Variants in HS2ST1 observed in about 807,000 individuals in gnomAD.
HS2ST1 encodes the protein heparan sulfate 2-O-sulfotransferase 1.
Under a neutral mutation model 42.9 loss-of-function variants are expected in HS2ST1, and 18 were observed. The observed-to-expected ratio is 0.42, with a 90% CI of 0.29 to 0.62. HS2ST1 has a LOEUF of 0.62. Ranked by LOEUF, HS2ST1 falls within the 20% of genes least tolerant of loss-of-function variation. HS2ST1 has a pLI of 0.21. For missense variants in HS2ST1, 334 were observed against 433.8 expected (o/e 0.77, Z 2.04); for synonymous variants, 146 against 152.9 (o/e 0.95, Z 0.33).
chr1:86,964,627 G>C (rs1347058905), intron 1 of HS2ST1, among the ~76,000 whole-genome samples: 1 of 152,210 alleles, frequency 6.6e-6, no homozygotes, highest in Non-Finnish European at 1.5e-5. Context: ...GGGAGACCTT[G>C]GAAAGAGAGG....
chr1:87,076,290 T>A (rs938262938), intron 2 of HS2ST1, among the ~76,000 whole-genome samples: 2 of 152,214 alleles, frequency 1.3e-5, no homozygotes, highest in African/African-American at 4.8e-5. Context: ...TCAAAAATGA[T>A]ATCTTTGTTC....
chr1:86,955,914 G>A (rs1278955928), intron 1 of HS2ST1, among the ~76,000 whole-genome samples: 1 of 152,152 alleles, frequency 6.6e-6, no homozygotes, highest in African/African-American at 2.4e-5. Flanking sequence ...TGGAGTCCTG[G>A]AGGGGTGGAG....
At position 86,982,987 on chromosome 1, in the gene HS2ST1, C is replaced by T. The variant is rs149059267; in HGVS notation, c.124+67827C>T. Among the ~76,000 whole-genome samples the T allele has an allele frequency of 2.9e-3, 442 of 152,274 alleles. 1 individual carries two copies. The highest frequency in any genetic ancestry group is 0.01 in the African/African-American group (425 of 41,552). On this transcript the variant is annotated intron_variant, in intron 1 of 6. Transcript: ENST00000370550. ...TTGCTTCAATATCCAATAAATTACT[C>T]GTCTGCATCTGAGACCACCTCAGCC...
intron 1 of HS2ST1, among the ~76,000 whole-genome samples, chr1:86,996,006 A>G (rs533783088): frequency 1.3e-5 from 2 of 152,342 alleles, no homozygotes; most frequent in South Asian, 4.1e-4. Context: ...GATAAAATAT[A>G]TAATATTTAA....
At position 87,091,304 on chromosome 1, in the gene HS2ST1, T is replaced by C. The variant is rs181895422; in HGVS notation, c.450-1227T>C. Reference sequence around the variant, plus strand: ...AAGAGAAATAGAATAAGTATTGATATGGGAGGAGATAAAAGAGGCCAACCT... The same window carrying C: ...AAGAGAAATAGAATAAGTATTGATACGGGAGGAGATAAAAGAGGCCAACCT... On this transcript the variant is annotated intron_variant, in intron 3 of 6. Transcript: ENST00000370550. 2.7e-3 allele frequency among the ~76,000 whole-genome samples: 411 copies of C among 152,038 alleles called. 2 individuals are homozygous for C. The highest frequency in any genetic ancestry group is 4.0e-3 in the Non-Finnish European group (271 of 67,890).
intron 1 of HS2ST1, among the ~76,000 whole-genome samples, chr1:87,054,141 A>G (rs1650901250): frequency 1.3e-5 from 2 of 152,176 alleles, no homozygotes; most frequent in South Asian, 4.1e-4. Context: ...CCCTGTAAAT[A>G]CATATGGAAT....
chr1:86,958,118 G>T (rs1269929559), intron 1 of HS2ST1, among the ~76,000 whole-genome samples: 1 of 152,182 alleles, frequency 6.6e-6, no homozygotes, highest in Non-Finnish European at 1.5e-5. Context: ...GGTAGCTACA[G>T]TTGACCCTTC....
intron 1 of HS2ST1, among the ~76,000 whole-genome samples, chr1:87,014,731 C>T (rs1264465053): frequency 1.3e-5 from 2 of 152,218 alleles, no homozygotes; most frequent in African/African-American, 2.4e-5. Context: ...CAACTTTACT[C>T]AATAAATACT....
chr1:87,060,008 G>A (rs1037572174), intron 1 of HS2ST1, among the ~76,000 whole-genome samples: 12 of 152,068 alleles, frequency 7.9e-5, no homozygotes, highest in African/African-American at 2.9e-4. Flanking sequence ...ACCTTTGTAT[G>A]TTGTGATTTT....
chr1:86,947,275 G>C (rs2064890), intron 1 of HS2ST1, among the ~76,000 whole-genome samples: 36,242 of 152,130 alleles, frequency 0.24, 5,080 homozygotes, highest in African/African-American at 0.38. Context: ...ATGTGAGAGA[G>C]CAATGGAGAA....
At chr1:86,976,788 G>A (rs1003265012) in intron 1 of HS2ST1, among the ~76,000 whole-genome samples, 1 of 132,396 alleles carries the variant, frequency 7.6e-6, no homozygotes, top group Non-Finnish European at 1.6e-5. Context: ...CCATGGCAGT[G>A]GGCTGGGTGT....
chr1:87,059,433 A>C (rs1412219983), intron 1 of HS2ST1, among the ~76,000 whole-genome samples: 2 of 152,178 alleles, frequency 1.3e-5, no homozygotes, highest in Non-Finnish European at 2.9e-5. Context: ...GCATTTGTTC[A>C]ATTTTGTACA....
At chr1:87,064,435 G>A (rs1651196319) in intron 1 of HS2ST1, 1 of 516,950 alleles carries the variant, frequency 1.9e-6, no homozygotes, top group African/African-American at 1.9e-5. Context: ...TGAAACATAA[G>A]TCTACTCCAT....
At chr1:87,051,082 A>G (rs1349107622) in intron 1 of HS2ST1, among the ~76,000 whole-genome samples, 2 of 147,688 alleles carry the variant, frequency 1.4e-5, no homozygotes, top group Non-Finnish European at 2.9e-5. Context: ...TTAGTATGCT[A>G]TATTATTTTT....
intron 1 of HS2ST1, among the ~76,000 whole-genome samples, chr1:86,958,247 C>A (rs187227067): frequency 6.6e-6 from 1 of 152,140 alleles, no homozygotes; most frequent in Admixed American, 6.5e-5. Context: ...GAAGACTCAC[C>A]GATAACATTA....
At chr1:86,934,710 C>G (rs60616240) in intron 1 of HS2ST1, 36,195 of 152,018 alleles carry the variant, frequency 0.24, 5,078 homozygotes, top group African/African-American at 0.38. Flanking sequence ...GGCGGATCAC[C>G]AGGTCAGGAG....
Position 86,993,177 on chromosome 1 carries a change from A to G in HS2ST1, c.124+78017A>G, listed in dbSNP as rs757625890. 6.0e-5 allele frequency: 94 copies of G among 1,570,448 alleles called. 1 individual carries two copies. Among genetic ancestry groups the G allele is most frequent in the Non-Finnish European group, 6.8e-5 (79 of 1,156,426 alleles). Reference sequence around the variant, plus strand: ...CCTAAACCCTCATCAACTGACTTTCATTTCAAAAGCTTTTAAATCCCCTGT... The same window carrying G: ...CCTAAACCCTCATCAACTGACTTTCGTTTCAAAAGCTTTTAAATCCCCTGT... On this transcript the variant is annotated intron_variant, in intron 1 of 6. Transcript: ENST00000370550.
intron 1 of HS2ST1, among the ~76,000 whole-genome samples, chr1:87,025,591 A>T (rs1487071339): frequency 6.6e-6 from 1 of 152,218 alleles, no homozygotes; most frequent in Non-Finnish European, 1.5e-5. Flanking sequence ...TGTATTTTTC[A>T]TATAGAAAAT....
intron 1 of HS2ST1, among the ~76,000 whole-genome samples, chr1:87,039,377 T>C (rs1028037135): frequency 1.3e-5 from 2 of 152,188 alleles, no homozygotes; most frequent in Non-Finnish European, 2.9e-5. Context: ...GACTGTTAGT[T>C]TGCTTCCTGA....
Sources: allele counts gnomAD v4.1 joint callset (sites outside exome capture counted in the v4.1 genomes callset), GRCh38; gene constraint gnomAD v4.1.1; transcripts MANE v1.5; gene names NCBI Gene and HGNC (gene_info 2026-07-23, HGNC 2026-07-21).